ATP8B4: variants seen among roughly 807,000 people sequenced by gnomAD.
The protein encoded by ATP8B4 is ATPase phospholipid transporting 8B4 (putative).
ATP8B4 carries 133 observed loss-of-function variants against 145.6 expected under a neutral mutation model. The observed-to-expected ratio is 0.91, with a 90% CI of 0.79 to 1.05. ATP8B4 has a LOEUF of 1.05. Ranked by LOEUF, ATP8B4 falls within the 50% of genes least tolerant of loss-of-function variation. The pLI, the probability that ATP8B4 is intolerant of heterozygous loss-of-function variation, is 0.00. For missense variants in ATP8B4, 1,458 were observed against 1,425.2 expected, an observed-to-expected ratio of 1.02 and a Z score of -0.37; for synonymous variants, 507 against 492.9, an observed-to-expected ratio of 1.03 and a Z score of -0.38.
At chr15:49,965,690 T>C (rs1368249834) in intron 13 of ATP8B4, among the ~76,000 whole-genome samples, 2 of 152,154 alleles carry the variant, frequency 1.3e-5, no homozygotes, top group African/African-American at 4.8e-5. Context: ...TGCACTTACA[T>C]AAACCCCAGA....
At chr15:49,866,785 A>G (rs973951762) in intron 25 of ATP8B4, among the ~76,000 whole-genome samples, 5 of 152,258 alleles carry the variant, frequency 3.3e-5, no homozygotes, top group African/African-American at 1.2e-4. Context: ...GAAATATGAA[A>G]GCACAAGGGC....
At chr15:50,122,133 C>G (rs2057276067), upstream of ATP8B4, among the ~76,000 whole-genome samples, 1 of 152,104 alleles carries the variant, frequency 6.6e-6, no homozygotes, top group Non-Finnish European at 1.5e-5. Context: ...GCCAAGATAG[C>G]TAAGAAAGCC....
chr15:50,057,477 C>G (rs1467335862), intron 3 of ATP8B4, among the ~76,000 whole-genome samples: 4 of 152,206 alleles, frequency 2.6e-5, no homozygotes, highest in Non-Finnish European at 1.5e-5. Context: ...CTCACTGGCC[C>G]TCATCCGACA....
At chr15:50,088,400 C>A (rs1417257186) in intron 2 of ATP8B4, among the ~76,000 whole-genome samples, 1 of 151,964 alleles carries the variant, frequency 6.6e-6, no homozygotes, top group Admixed American at 6.6e-5. Flanking sequence ...GCCCTGACAA[C>A]CACTGTCCCC....
chr15:50,129,965 A>G (rs2057334731), intron 1 of ATP8B4, among the ~76,000 whole-genome samples: 1 of 151,068 alleles, frequency 6.6e-6, no homozygotes, highest in Non-Finnish European at 1.5e-5. Flanking sequence ...AAAAAAAAAA[A>G]AAAAGAAAGA....
intron 1 of ATP8B4, among the ~76,000 whole-genome samples, chr15:50,157,818 T>G (rs2044443845): frequency 6.6e-6 from 1 of 152,236 alleles, no homozygotes; most frequent in South Asian, 2.1e-4. Flanking sequence ...AAAGCTGGAC[T>G]GTGCTGCTGC....
chr15:50,160,040 C>CTTTTTTTTTTT (rs2044493269), intron 1 of ATP8B4, among the ~76,000 whole-genome samples: 2 of 16,072 alleles, frequency 1.2e-4, no homozygotes, highest in Non-Finnish European at 2.5e-4. Flanking sequence ...TTTTTTTTTG[C>CTTTTTTTTTTT]TGGGAGACTT....
chr15:50,154,681 A>AT (rs550851573), intron 1 of ATP8B4, among the ~76,000 whole-genome samples: 62 of 148,446 alleles, frequency 4.2e-4, no homozygotes, highest in South Asian at 1.5e-3. Flanking sequence ...ATATTCAGCA[A>AT]TTTTTTTTTT....
intron 1 of ATP8B4, among the ~76,000 whole-genome samples, chr15:50,153,148 C>T (rs538578531): frequency 6.6e-6 from 1 of 152,228 alleles, no homozygotes; most frequent in South Asian, 2.1e-4. Flanking sequence ...TGGAACAATT[C>T]AAACATATCA....
intron 14 of ATP8B4, among the ~76,000 whole-genome samples, chr15:49,942,296 C>A (rs1035727651): frequency 6.6e-6 from 1 of 151,854 alleles, no homozygotes; most frequent in African/African-American, 2.4e-5. Context: ...AGATGAAGTA[C>A]ATTCACTAGT....
intron 26 of ATP8B4, 105 bp downstream of exon 26, chr15:49,866,241 A>G: frequency 7.0e-7 from 1 of 1,438,374 alleles, no homozygotes; most frequent in Non-Finnish European, 9.3e-7. Flanking sequence ...TTTCTGGACA[A>G]AGGATCACTA....
chr15:50,160,774 A>G (rs933826852), intron 1 of ATP8B4, among the ~76,000 whole-genome samples: 1 of 151,770 alleles, frequency 6.6e-6, no homozygotes, highest in Non-Finnish European at 1.5e-5. Flanking sequence ...AAGTTTTAAG[A>G]CTTGTTTGTG....
chr15:49,966,780 C>T lies in ATP8B4; in HGVS notation c.1244-4760G>A, dbSNP rs374476508. ...CACTCCAGCTCTGCTAAGGGACAGA[C>T]TGCTTCCTCAAGTGGGTCCCTGACC... On this transcript the variant is annotated intron_variant, in intron 13 of 27. Coordinates refer to ENST00000284509, the MANE Select transcript of ATP8B4 (RefSeq NM_024837.4). Among the ~76,000 whole-genome samples, 278 of 152,342 alleles carry T rather than the reference C, an allele frequency of 1.8e-3. 1 individual carries two copies. The highest frequency in any genetic ancestry group is 3.1e-4 in the Non-Finnish European group (21 of 68,026).
chr15:50,163,445 T>C (rs1192569041), intron 1 of ATP8B4, among the ~76,000 whole-genome samples: 1 of 152,240 alleles, frequency 6.6e-6, no homozygotes, highest in Non-Finnish European at 1.5e-5. Context: ...ACCAGGCAGA[T>C]ACACTTGTTC....
chr15:50,155,013 A>G lies in ATP8B4; in HGVS notation c.-43+27248T>C, dbSNP rs111743207. 2.8e-3 allele frequency among the ~76,000 whole-genome samples: 433 copies of G among 152,234 alleles called. 3 individuals carry two copies. The highest frequency in any genetic ancestry group is 0.01 in the African/African-American group (418 of 41,548). On this transcript the variant is annotated intron_variant, in intron 1 of 3. Coordinates refer to the ATP8B4 transcript ENST00000558829. ...TTGAATTACATGAAAGCTCACTTATATTTATCTTGTTTACATTACCTACTT... is the reference window on the plus strand; with the variant it reads ...TTGAATTACATGAAAGCTCACTTATGTTTATCTTGTTTACATTACCTACTT...
chr15:49,868,279 T>C (rs1380063650), intron 25 of ATP8B4, among the ~76,000 whole-genome samples: 1 of 152,172 alleles, frequency 6.6e-6, no homozygotes, highest in African/African-American at 2.4e-5. Flanking sequence ...AACAACTATA[T>C]AGTGAAGCAA....
intron 1 of ATP8B4, among the ~76,000 whole-genome samples, chr15:50,129,792 A>G (rs988603461): frequency 1.3e-5 from 2 of 152,022 alleles, no homozygotes; most frequent in African/African-American, 4.8e-5. Flanking sequence ...TACTAAAAAT[A>G]CAAAAATTAG....
At chr15:49,981,602 A>G (rs1216876783) in intron 10 of ATP8B4, among the ~76,000 whole-genome samples, 1 of 152,184 alleles carries the variant, frequency 6.6e-6, no homozygotes, top group Non-Finnish European at 1.5e-5. Context: ...TGACATAGTT[A>G]AAGATAACAA....
intron 25 of ATP8B4, among the ~76,000 whole-genome samples, chr15:49,873,309 G>C (rs2033920415): frequency 6.6e-6 from 1 of 152,126 alleles, no homozygotes; most frequent in African/African-American, 2.4e-5. Context: ...AAAATAACTA[G>C]AGGATCATGC....
Sources: allele counts gnomAD v4.1 joint callset (sites outside exome capture counted in the v4.1 genomes callset), GRCh38; gene constraint gnomAD v4.1.1; transcripts MANE v1.5; gene names NCBI Gene and HGNC (gene_info 2026-07-23, HGNC 2026-07-21).